The following TRRAP variants were observed in gnomAD, a reference collection of about 807,000 sequenced individuals.
TRRAP encodes the protein transformation/transcription domain-associated protein.
Under a neutral mutation model 438.8 loss-of-function variants are expected in TRRAP, and 41 were observed. The observed-to-expected ratio is 0.09, with a 90% CI of 0.07 to 0.12. The LOEUF (loss-of-function observed/expected upper bound fraction) is 0.12, where lower values mean the gene tolerates loss of function less well. Ranked by LOEUF, TRRAP falls within the 10% of genes least tolerant of loss-of-function variation. The pLI is 1.00. For missense variants in TRRAP, 3,122 were observed against 5,055.1 expected (o/e 0.62, Z 11.60); for synonymous variants, 1,994 against 1,962.9 (o/e 1.02, Z -0.42).
At position 98,911,261 on chromosome 7, in the gene TRRAP, A is replaced by G. The variant is rs782432703; in HGVS notation, c.1997A>G (p.Tyr666Cys). The G allele has an allele frequency of 2.5e-6, 4 of 1,611,474 alleles. No individual in the cohort carries two copies. ...PYMVERISKN[Y>C]ALQIVANSFL... Reference sequence around the variant, plus strand: ...ATGGTGGAGAGAATCTCAAAAAATTATGCTCTTCAGGTATAAAACTCCTTT... The same window carrying G: ...ATGGTGGAGAGAATCTCAAAAAATTGTGCTCTTCAGGTATAAAACTCCTTT... Residue 666 changes from tyrosine (Y) to cysteine (C), a missense_variant, in exon 17 of 73, where the codon TAT becomes TGT. By Grantham distance (194) the Tyr-to-Cys change is radical. Coordinates refer to ENST00000456197, the MANE Select transcript of TRRAP (RefSeq NM_001375524.1).
In TRRAP at chr7:99,004,238, C is replaced by G. The variant is rs759365794; in HGVS notation, c.10358C>G (p.Ser3453Cys). The G allele has an allele frequency of 1.2e-6, 2 of 1,614,020 alleles. No homozygotes were observed. The highest frequency in any genetic ancestry group is 1.1e-5 in the South Asian group (1 of 91,028). Residue 3453 changes from serine (S) to cysteine (C), a missense_variant, in exon 68 of 73, where the codon TCT (serine) becomes TGT (cysteine). By Grantham distance (112) the Ser-to-Cys change is moderately radical (BLOSUM62 -1). This residue lies in a region of TRRAP where 107 missense variants were observed against 327.5 expected (regional missense o/e 0.33). Transcript: ENST00000456197. ...PGSMKLHNLI[S>C]KLKKWIKILE... ...TCCATGAAGCTTCATAATCTTATTT[C>G]TAAGTTGAAAAAGTGGATCAAAATC...
rs1411691611 is a variant in TRRAP at position 98,962,383 on chromosome 7, C to A, written c.6785C>A (p.Thr2262Asn). 1 of 1,614,112 alleles carries A rather than the reference C, an allele frequency of 6.2e-7. No individual in the cohort carries two copies. Among genetic ancestry groups the A allele is most frequent in the Non-Finnish European group, 8.5e-7 (1 of 1,180,052 alleles). The stretch of plus-strand genomic sequence containing the variant: ...GGAAAGGTCATCTATGAAGGGCTCA[C>A]CAACTACGAGAAGGCCACCAATGCC... ...AVGKVIYEGLTNYEKATNANP... is the reference protein window; with the variant it reads ...AVGKVIYEGLNNYEKATNANP... Residue 2262 changes from threonine (T) to asparagine (N), a missense_variant, in exon 47 of 73, where the codon ACC (threonine) becomes AAC (asparagine). Around this residue, in one of 24 missense-constraint regions of TRRAP, gnomAD observed 992 missense variants for 1,281.2 expected, o/e 0.77. Transcript: ENST00000456197.
At position 98,956,330 on chromosome 7, in the gene TRRAP, C is replaced by T. The variant is rs781807211; in HGVS notation, c.6096+26C>T. 45 of 1,613,566 alleles carry T rather than the reference C, an allele frequency of 2.8e-5. No individual in the cohort carries two copies. The highest frequency in any genetic ancestry group is 3.2e-5 in the Non-Finnish European group (38 of 1,179,666). ...GTAGGGGTGTCAGCCTCAGGGGTGC[C>T]CCGATCGTCTTCCTTTGACTTCTCC... On this transcript the variant is annotated intron_variant, in intron 42 of 72. Transcript: ENST00000456197. The surrounding 1 kb of genome is among the most constrained non-coding windows in gnomAD (Gnocchi z 4.5).
intron 30 of TRRAP, among the ~76,000 whole-genome samples, chr7:98,942,483 T>A (rs2116571507): frequency 6.6e-6 from 1 of 152,366 alleles, no homozygotes; most frequent in East Asian, 1.9e-4. Flanking sequence ...CTGGTTCCTG[T>A]CTTCCTCTTA....
intron 23 of TRRAP, among the ~76,000 whole-genome samples, 184 bp downstream of exon 23, chr7:98,927,550 A>G (rs1409372456): frequency 1.3e-5 from 2 of 152,216 alleles, no homozygotes; most frequent in African/African-American, 4.8e-5. Context: ...TGGGCACTAT[A>G]TCAGCTTGAA....
chr7:98,988,678 G>A, intron 62 of TRRAP, 87 bp from the exon 63 acceptor site: 1 of 1,480,282 alleles, frequency 6.8e-7, no homozygotes, highest in Non-Finnish European at 9.1e-7. Flanking sequence ...GCCCCGCAGT[G>A]TTCATTTTAT....
rs1465537007 is a variant in TRRAP at position 98,880,600 on chromosome 7, T to G, written c.-61-490T>G. The stretch of plus-strand genomic sequence containing the variant: ...TATACCGCCCATGAGCTAAGAATGG[T>G]TTTATATTTTTAAATGGCTGGGGAA... On this transcript the variant is annotated intron_variant, in intron 1 of 72. Transcript: ENST00000456197. Among the ~76,000 whole-genome samples the G allele has an allele frequency of 5.9e-5, 9 of 152,140 alleles. No individual in the cohort carries two copies. The South Asian group carries it at 6.2e-4, about 11-fold the overall frequency.
At position 98,897,838 on chromosome 7, in the gene TRRAP, C is replaced by T. The variant is rs372524646; in HGVS notation, c.605C>T (p.Pro202Leu). The T allele has an allele frequency of 1.5e-5, 24 of 1,613,954 alleles. No individual in the cohort carries two copies. In the East Asian group the frequency reaches 2.2e-4, roughly 15 times the overall value. The change falls in exon 8 of 73, where the codon CCG (proline) becomes CTG (leucine). Residue 202 changes from proline (P) to leucine (L), a missense_variant. Transcript: ENST00000456197. ...ACAACGATTGCTGTGAAAGTCAACCCGGAGCGTGAGGACAGTGAGACTCGA... is the reference window on the plus strand; with the variant it reads ...ACAACGATTGCTGTGAAAGTCAACCTGGAGCGTGAGGACAGTGAGACTCGA... Reference protein sequence around the residue: ...MITTIAVKVNPEREDSETRTH... With the variant: ...MITTIAVKVNLEREDSETRTH...
intron 11 of TRRAP, among the ~76,000 whole-genome samples, chr7:98,901,381 A>C (rs940521778): frequency 6.6e-6 from 1 of 152,286 alleles, no homozygotes; most frequent in East Asian, 1.9e-4. Context: ...CTGTGTCCAG[A>C]TACAGTCACA....
At position 98,930,160 on chromosome 7, in the gene TRRAP, C is replaced by T. The variant is rs782805350; in HGVS notation, c.3347C>T (p.Ala1116Val). 1 of 1,614,128 alleles carries T rather than the reference C, an allele frequency of 6.2e-7. No homozygotes were observed. Among genetic ancestry groups the T allele is most frequent in the Non-Finnish European group, 8.5e-7 (1 of 1,180,028 alleles). Residue 1116 changes from alanine (A) to valine (V), a missense_variant, in exon 24 of 73, where the codon GCT becomes GTT. By Grantham distance (64) the Ala-to-Val change is moderately conservative. Coordinates refer to ENST00000456197, the MANE Select transcript of TRRAP (RefSeq NM_001375524.1). ...ELCKIGEVAL[A>V]VIFDVASIIL... ...TGCAAAATCGGGGAGGTGGCCCTAG[C>T]TGTGATATTTGATGTTGCAAGTATC...
In TRRAP at chr7:98,956,564, C is replaced by A; in HGVS notation, c.6231+31C>A. 1 of 1,598,074 alleles carries A rather than the reference C, an allele frequency of 6.3e-7. No individual in the cohort carries two copies. Among genetic ancestry groups the A allele is most frequent in the Non-Finnish European group, 8.5e-7 (1 of 1,174,192 alleles). On this transcript the variant is annotated intron_variant, in intron 43 of 72. Coordinates refer to ENST00000456197, the MANE Select transcript of TRRAP (RefSeq NM_001375524.1). This position sits in a 1 kb window ranked among gnomAD's most constrained non-coding sequence, Gnocchi z 4.5. The stretch of plus-strand genomic sequence containing the variant: ...ATCATGTGCCTCTGTATGGGTGCTG[C>A]GCATTCTGCTGGGAGTTGGTTCGTT...
rs534814035 is a variant in TRRAP at position 98,898,439 on chromosome 7, C to A, written c.633+573C>A. On this transcript the variant is annotated intron_variant, in intron 8 of 72. Coordinates refer to ENST00000456197, the MANE Select transcript of TRRAP (RefSeq NM_001375524.1). ...ATAGGTAACATGTTTTGAGCACTTA[C>A]TATGACAATTTTTGTGATTGAATTA... Among the ~76,000 whole-genome samples the A allele has an allele frequency of 1.1e-3, 168 of 152,338 alleles. 1 individual carries two copies. Among genetic ancestry groups the A allele is most frequent in the African/African-American group, 3.9e-3 (163 of 41,568 alleles).
chr7:99,003,221 C>T (rs1166738787), intron 67 of TRRAP, among the ~76,000 whole-genome samples: 1 of 152,184 alleles, frequency 6.6e-6, no homozygotes, highest in Non-Finnish European at 1.5e-5. Flanking sequence ...GAAGTCGAGG[C>T]GTTCTACAGA....
At chr7:98,910,903 T>C (rs1422839823) in intron 16 of TRRAP, among the ~76,000 whole-genome samples, 174 bp from the exon 17 acceptor site, 1 of 152,132 alleles carries the variant, frequency 6.6e-6, no homozygotes, top group Non-Finnish European at 1.5e-5. Context: ...TTTTTTTTAA[T>C]TCTTTGCCAA....
At chr7:98,963,156 A>G (rs1038318084) in intron 47 of TRRAP, among the ~76,000 whole-genome samples, 6 of 152,234 alleles carry the variant, frequency 3.9e-5, no homozygotes, top group African/African-American at 9.6e-5. Context: ...ACCTATATAG[A>G]TAGCCCTTGT....
chr7:98,880,988 G>C (rs1795402482), intron 1 of TRRAP, 102 bp from the exon 2 acceptor site: 1 of 459,728 alleles, frequency 2.2e-6, no homozygotes, highest in Admixed American at 4.2e-5. Context: ...TCTGGATTAA[G>C]ATGAAAGCGT....
At chr7:98,920,756 A>T (rs1789749277) in intron 20 of TRRAP, among the ~76,000 whole-genome samples, 1 of 152,190 alleles carries the variant, frequency 6.6e-6, no homozygotes, top group Admixed American at 6.5e-5. Flanking sequence ...AGCCTAATAA[A>T]TAGACTTAAA....
chr7:98,885,687 A>C (rs1299192127), intron 3 of TRRAP, among the ~76,000 whole-genome samples: 2 of 150,718 alleles, frequency 1.3e-5, no homozygotes, highest in African/African-American at 4.9e-5. Flanking sequence ...TATATATATG[A>C]AGAGGTGAGA....
intron 47 of TRRAP, among the ~76,000 whole-genome samples, chr7:98,964,287 C>T (rs1792055054): frequency 6.6e-6 from 1 of 152,078 alleles, no homozygotes. Context: ...GATTTTTCTT[C>T]CTCTTTTTCT....
Sources: allele counts gnomAD v4.1 joint callset (sites outside exome capture counted in the v4.1 genomes callset), GRCh38; gene constraint gnomAD v4.1.1; regional missense constraint gnomAD v4.1.1; non-coding constraint Gnocchi (gnomAD v3.1); transcripts MANE v1.5; gene names NCBI Gene and HGNC (gene_info 2026-07-23, HGNC 2026-07-21).